Variants in GPC3 observed in about 807,000 individuals in gnomAD.
The protein encoded by GPC3 is glypican 3, also known as glypican-3.
In GPC3, 3 loss-of-function variants were observed where a neutral mutation model predicts 34.4. The observed-to-expected ratio is 0.09, with a 90% CI of 0.04 to 0.23. The LOEUF is 0.23. Ranked by LOEUF, GPC3 falls within the 10% of genes least tolerant of loss-of-function variation. The pLI is 1.00. For missense variants in GPC3, 351 were observed against 445.6 expected (o/e 0.79, Z 1.91); for synonymous variants, 177 against 174.0 (o/e 1.02, Z -0.13).
At chrX:133,892,342 C>G (rs1420060027) in intron 2 of GPC3, among the ~76,000 whole-genome samples, 2 of 111,447 alleles carry the variant, frequency 1.8e-5, no homozygotes, top group African/African-American at 3.3e-5. Flanking sequence ...CTGTAATGAG[C>G]TCAGTTTTGC....
At chrX:133,916,005 C>T (rs969888552) in intron 2 of GPC3, among the ~76,000 whole-genome samples, 1 of 109,896 alleles carries the variant, frequency 9.1e-6, no homozygotes, top group Admixed American at 9.7e-5. Flanking sequence ...AAATTGCCAG[C>T]GTGGTAGCAC....
chrX:133,767,964 T>TG lies in GPC3; in HGVS notation c.338-13789dup, dbSNP rs35350716. 1.5e-4 allele frequency among the ~76,000 whole-genome samples: 11 copies of TG among 73,593 alleles called. No individual in the cohort carries two copies. In the East Asian group the frequency reaches 2.0e-3, roughly 13 times the overall value. The allele number at this position is 73,593 out of a possible 115,157, so 63.9% of individuals were successfully genotyped here. A position where few individuals can be genotyped will look rare whatever the true frequency, so the allele number is the denominator to read the frequency against. ...TGTGTGAGAGAATAGGGTGGCGGGG[T>TG]GGGGGGGTAAATCTCCAGGATTAAG... On this transcript the variant is annotated intron_variant, in intron 2 of 7. Transcript: ENST00000370818.
intron 2 of GPC3, among the ~76,000 whole-genome samples, chrX:133,786,812 C>A (rs868254631): frequency 1.3e-4 from 14 of 111,418 alleles, no homozygotes; most frequent in African/African-American, 4.2e-4. Context: ...AATGTGTCTG[C>A]GTGCCTAAAT....
chrX:133,833,004 G>C (rs113846316), intron 2 of GPC3, among the ~76,000 whole-genome samples: 9 of 112,243 alleles, frequency 8.0e-5, no homozygotes, highest in African/African-American at 2.9e-4. Context: ...AGAAGACCAT[G>C]TTTAATTATT....
At chrX:133,593,354 T>TAAAAAAAAAAAAAAAAAAAAAAAAACAA (rs1186766438) in intron 7 of GPC3, among the ~76,000 whole-genome samples, 1 of 47,717 alleles carries the variant, frequency 2.1e-5, no homozygotes. Context: ...AAAAAAAAAG[T>TAAAAAAAAAAAAAAAAAAAAAAAAACAA]AAAAAAAAAA....
At chrX:133,666,341 T>C (rs7051070) in intron 5 of GPC3, among the ~76,000 whole-genome samples, 4,436 of 112,275 alleles carry the variant, frequency 0.04, 221 homozygotes, top group African/African-American at 0.14. Context: ...TCTACTGTTC[T>C]GCTCTATCCA....
At chrX:133,595,660 G>A (rs745763139) in intron 7 of GPC3, among the ~76,000 whole-genome samples, 2 of 110,653 alleles carry the variant, frequency 1.8e-5, no homozygotes, top group South Asian at 7.8e-4. Context: ...TGGGACAATA[G>A]GCGTACCACC....
chrX:133,795,586 G>GA (rs377091847), intron 2 of GPC3, among the ~76,000 whole-genome samples: 18 of 107,116 alleles, frequency 1.7e-4, no homozygotes, highest in African/African-American at 2.0e-4. Flanking sequence ...ATCTTCAAAA[G>GA]AAAAAAAAAC....
Position 133,982,651 on chromosome X carries a change from C to T in GPC3, c.175+2624G>A, listed in dbSNP as rs146265391. 3.6e-3 allele frequency among the ~76,000 whole-genome samples: 400 copies of T among 112,183 alleles called. 1 individual carries two copies. Among genetic ancestry groups the T allele is most frequent in the Non-Finnish European group, 5.9e-3 (312 of 53,296 alleles). On this transcript the variant is annotated intron_variant, in intron 1 of 7. Coordinates refer to ENST00000370818, the MANE Select transcript of GPC3 (RefSeq NM_004484.4). The stretch of plus-strand genomic sequence containing the variant: ...TGAAGTTAGCAGTCAATCCCAAATG[C>T]TCCCCCTAAGTGAAACAGGACATTC...
chrX:133,652,449 C>T (rs2070614090), intron 6 of GPC3, among the ~76,000 whole-genome samples: 1 of 111,042 alleles, frequency 9.0e-6, no homozygotes, highest in Admixed American at 9.6e-5. Context: ...GAAAAGAAGA[C>T]CATACTTAAG....
At chrX:133,696,722 C>T (rs753542345) in intron 4 of GPC3, among the ~76,000 whole-genome samples, 1 of 112,088 alleles carries the variant, frequency 8.9e-6, no homozygotes, top group African/African-American at 3.2e-5. Context: ...TTGGACAATT[C>T]GTTGCCTGGG....
intron 5 of GPC3, among the ~76,000 whole-genome samples, chrX:133,670,059 T>C (rs1403982073): frequency 8.9e-6 from 1 of 111,899 alleles, no homozygotes; most frequent in Non-Finnish European, 1.9e-5. Flanking sequence ...GGCATGCTTG[T>C]CTTGGGACAG....
chrX:133,540,915 GGTGTGTGTGTGTGTGTGTGT>G (rs369378252), intron 7 of GPC3, among the ~76,000 whole-genome samples: 3 of 91,694 alleles, frequency 3.3e-5, no homozygotes, highest in African/African-American at 8.2e-5. Context: ...ACATTGTTGT[GGTGTGTGTGTGTGTGTGTGT>G]GTGTGTGTGT....
At chrX:133,878,298 A>T (rs1234237422) in intron 2 of GPC3, among the ~76,000 whole-genome samples, 4 of 110,871 alleles carry the variant, frequency 3.6e-5, no homozygotes, top group African/African-American at 1.3e-4. Flanking sequence ...ATGGTGGCAG[A>T]TGCCTGTAAT....
intron 6 of GPC3, among the ~76,000 whole-genome samples, chrX:133,630,655 C>A (rs1429090354): frequency 1.8e-5 from 2 of 111,455 alleles, no homozygotes; most frequent in Non-Finnish European, 1.9e-5. Context: ...TCCAGGCAGG[C>A]CGAATATTTG....
intron 2 of GPC3, among the ~76,000 whole-genome samples, chrX:133,920,325 A>G (rs1266261992): frequency 1.8e-5 from 2 of 111,608 alleles, no homozygotes; most frequent in African/African-American, 6.5e-5. Flanking sequence ...AAATTGATCA[A>G]ATTCTTCTGG....
intron 5 of GPC3, among the ~76,000 whole-genome samples, chrX:133,683,680 C>G (rs911166320): frequency 8.9e-6 from 1 of 112,212 alleles, no homozygotes. Flanking sequence ...TAAGACATGA[C>G]AGTCAACCAA....
Position 133,769,712 on chromosome X carries a change from A to G in GPC3, c.338-15536T>C, listed in dbSNP as rs2071892667. Among the ~76,000 whole-genome samples the G allele has an allele frequency of 3.6e-5, 4 of 112,097 alleles. No homozygotes were observed. In the South Asian group the frequency reaches 1.5e-3, roughly 42 times the overall value. ...TACCACCTTAGTTCTGGTCTACAGC[A>G]GTTGTTAGGGACTTCAGCAACTATC... On this transcript the variant is annotated intron_variant, in intron 2 of 7. Transcript: ENST00000370818.
At chrX:133,858,739 T>G (rs2075919693) in intron 2 of GPC3, among the ~76,000 whole-genome samples, 1 of 111,693 alleles carries the variant, frequency 9.0e-6, no homozygotes, top group African/African-American at 3.3e-5. Flanking sequence ...AATCATATTT[T>G]CAAAAGAAAG....
Sources: gnomAD v4.1 joint callset for allele counts (sites outside exome capture counted in the v4.1 genomes callset) on GRCh38, gnomAD v4.1.1 for gene constraint, MANE v1.5 for transcripts, NCBI Gene and HGNC (gene_info 2026-07-23, HGNC 2026-07-21) for gene names.